Variants in SHLD2 observed in about 807,000 individuals in gnomAD.
SHLD2 encodes RINN1-REV7-interacting novel NHEJ regulator 2.
SHLD2 carries 30 observed loss-of-function variants against 73.2 expected under a neutral mutation model. The ratio of observed to expected loss-of-function variants is 0.41; its 90% CI spans 0.31 to 0.56. The LOEUF is 0.56. SHLD2 is among the 20% of genes least tolerant of loss of function. The pLI, the probability that SHLD2 is intolerant of heterozygous loss-of-function variation, is 0.28. For synonymous variants in SHLD2, 285 were observed against 370.1 expected, an observed-to-expected ratio of 0.77 and a Z score of 2.64; for missense variants, 745 against 1,055.9, an observed-to-expected ratio of 0.71 and a Z score of 4.08.
Position 87,176,045 on chromosome 10 carries a change from C to T in SHLD2, c.2120C>T (p.Ser707Phe). ...FKAKFQKSAP[S>F]FVKISDLATH... ...GCAAAATTTCAAAAAAGTGCACCCT[C>T]CTTTGTGAAGATATCAGACTTAGCA... The change falls in exon 7 of 10, where the codon TCC becomes TTC. Residue 707 changes from serine to phenylalanine, a missense_variant. Physicochemically the swap from Ser to Phe is radical, Grantham distance 155 (BLOSUM62 -2). Around this residue, in one of 5 missense-constraint regions of SHLD2, gnomAD observed 418 missense variants for 567.8 expected, o/e 0.74. Coordinates refer to ENST00000298786, the MANE Select transcript of SHLD2 (RefSeq NM_001330112.2). The T allele has an allele frequency of 1.9e-6, 3 of 1,548,338 alleles. No homozygotes were observed. Among genetic ancestry groups the T allele is most frequent in the Non-Finnish European group, 2.6e-6 (3 of 1,146,784 alleles).
chr10:87,178,263 G>T (rs891833097), intron 7 of SHLD2, among the ~76,000 whole-genome samples: 138 of 77,338 alleles, frequency 1.8e-3, no homozygotes, highest in Non-Finnish European at 3.0e-3. Flanking sequence ...AAAAAAAAAA[G>T]ACTTTTTGAG....
intron 2 of SHLD2, among the ~76,000 whole-genome samples, chr10:87,145,227 C>T (rs868421825): frequency 2.6e-5 from 4 of 152,040 alleles, no homozygotes; most frequent in Non-Finnish European, 5.9e-5. Flanking sequence ...TAAAAGAGTT[C>T]GGCATGAATA....
chr10:87,167,779 G>T (rs765169262), intron 4 of SHLD2, among the ~76,000 whole-genome samples: 3 of 152,052 alleles, frequency 2.0e-5, no homozygotes, highest in Non-Finnish European at 2.9e-5. Context: ...TGAGTAGCTG[G>T]GACTACAGGT....
At chr10:87,094,719 A>C, upstream of SHLD2, 1 of 1,509,304 alleles carries the variant, frequency 6.6e-7, no homozygotes, top group Non-Finnish European at 8.9e-7. This position sits in a 1 kb window ranked among gnomAD's most constrained non-coding sequence, Gnocchi z 6.6. Context: ...AGCCCAGGGC[A>C]GCGGGCCCGG....
chr10:87,166,459 T>G (rs1847209671), intron 4 of SHLD2, among the ~76,000 whole-genome samples: 1 of 152,164 alleles, frequency 6.6e-6, no homozygotes, highest in South Asian at 2.1e-4. Flanking sequence ...GGAAAAATTT[T>G]TAAATGAAGA....
chr10:87,148,707 C>T (rs1479679896), intron 2 of SHLD2, among the ~76,000 whole-genome samples: 1 of 151,976 alleles, frequency 6.6e-6, no homozygotes, highest in Non-Finnish European at 1.5e-5. Flanking sequence ...TGCACCATTG[C>T]ACTCCAGCCT....
At chr10:87,121,989 T>G (rs1843662032) in intron 2 of SHLD2, among the ~76,000 whole-genome samples, 1 of 152,024 alleles carries the variant, frequency 6.6e-6, no homozygotes, top group Non-Finnish European at 1.5e-5. Context: ...GGTCTTGAAC[T>G]CCTGACCTAC....
intron 2 of SHLD2, among the ~76,000 whole-genome samples, chr10:87,129,632 C>T (rs1391282863): frequency 1.3e-5 from 2 of 152,012 alleles, no homozygotes; most frequent in Non-Finnish European, 2.9e-5. Flanking sequence ...GGAAAAGTAT[C>T]GATTTTTTTT....
intron 2 of SHLD2, among the ~76,000 whole-genome samples, chr10:87,144,648 A>T (rs1443347371): frequency 4.5e-4 from 35 of 77,460 alleles, no homozygotes; most frequent in East Asian, 3.4e-3. Context: ...TTTTTTTGAG[A>T]TGGTGTCTCG....
At chr10:87,094,817 T>G, upstream of SHLD2, 16 of 1,380,800 alleles carry the variant, frequency 1.2e-5, no homozygotes, top group Non-Finnish European at 1.5e-5. This position sits in a 1 kb window ranked among gnomAD's most constrained non-coding sequence, Gnocchi z 6.6. Flanking sequence ...ACAGGCGCGC[T>G]TTCTCAGACT....
upstream of SHLD2, chr10:87,094,725 C>T (rs754568150): frequency 2.6e-5 from 40 of 1,516,910 alleles, no homozygotes; most frequent in African/African-American, 5.2e-4. The surrounding 1 kb of genome is among the most constrained non-coding windows in gnomAD (Gnocchi z 6.6). Flanking sequence ...GGGCAGCGGG[C>T]CCGGCCCGGG....
intron 2 of SHLD2, among the ~76,000 whole-genome samples, chr10:87,110,476 G>A (rs1038375703): frequency 4.6e-5 from 7 of 151,532 alleles, no homozygotes; most frequent in African/African-American, 1.7e-4. Flanking sequence ...AAGTGGTGGC[G>A]GGTGTCTGTA....
At chr10:87,134,050 G>A (rs567233520) in intron 2 of SHLD2, among the ~76,000 whole-genome samples, 1 of 152,276 alleles carries the variant, frequency 6.6e-6, no homozygotes, top group South Asian at 2.1e-4. Context: ...GGGTGACTGA[G>A]AGCTGGTCAA....
At chr10:87,155,330 A>G (rs557639608) in intron 3 of SHLD2, among the ~76,000 whole-genome samples, 1 of 151,634 alleles carries the variant, frequency 6.6e-6, no homozygotes, top group South Asian at 2.1e-4. Context: ...TATTATTTAT[A>G]TGTGATTATA....
At chr10:87,148,632 A>G (rs1342349553) in intron 2 of SHLD2, among the ~76,000 whole-genome samples, 2 of 151,294 alleles carry the variant, frequency 1.3e-5, no homozygotes, top group East Asian at 3.9e-4. Context: ...AGTCCCAGCT[A>G]TTTGGGAGGC....
chr10:87,185,757 GGGGTGTAATTTTA>G (rs1321187263), intron 8 of SHLD2, among the ~76,000 whole-genome samples: 5 of 152,112 alleles, frequency 3.3e-5, no homozygotes, highest in African/African-American at 1.2e-4. Flanking sequence ...GGATAAGGAA[GGGGTGTAATTTTA>G]TTTTTTGGCA....
At chr10:87,167,767 C>T (rs1343500135) in intron 4 of SHLD2, among the ~76,000 whole-genome samples, 1 of 152,170 alleles carries the variant, frequency 6.6e-6, no homozygotes, top group African/African-American at 2.4e-5. Flanking sequence ...ACCTCAGCCT[C>T]CTGAGTAGCT....
chr10:87,121,342 C>G (rs1010107554), intron 2 of SHLD2, among the ~76,000 whole-genome samples: 3 of 152,100 alleles, frequency 2.0e-5, no homozygotes, highest in Non-Finnish European at 4.4e-5. Context: ...CCAGGCTGGT[C>G]TCAAACTCCT....
chr10:87,095,786 C>T (rs943182206), intron 1 of SHLD2, among the ~76,000 whole-genome samples: 2 of 152,214 alleles, frequency 1.3e-5, no homozygotes, highest in African/African-American at 4.8e-5. Flanking sequence ...GAGGCTCCGG[C>T]CCGGCGCGGT....
Sources: gnomAD v4.1 joint callset for allele counts (sites outside exome capture counted in the v4.1 genomes callset) on GRCh38, gnomAD v4.1.1 for gene constraint, gnomAD v4.1.1 regional missense constraint, Gnocchi (gnomAD v3.1) non-coding constraint, MANE v1.5 for transcripts, NCBI Gene and HGNC (gene_info 2026-07-23, HGNC 2026-07-21) for gene names.